PRR16: variants seen among roughly 807,000 people sequenced by gnomAD.
PRR16 encodes proline rich 16, also known as protein Largen.
Under a neutral mutation model 18.2 loss-of-function variants are expected in PRR16, and 6 were observed. The ratio of observed to expected loss-of-function variants is 0.33; its 90% CI spans 0.18 to 0.65. The LOEUF (loss-of-function observed/expected upper bound fraction) is 0.65. PRR16 is among the 30% of genes least tolerant of loss of function. PRR16 has a pLI of 0.74. For missense variants in PRR16, 412 were observed against 376.6 expected (o/e 1.09, Z -0.78); for synonymous variants, 151 against 147.8 (o/e 1.02, Z -0.16).
At chr5:120,530,378 T>C (rs1751513368) in intron 1 of PRR16, among the ~76,000 whole-genome samples, 1 of 150,332 alleles carries the variant, frequency 6.7e-6, no homozygotes, top group South Asian at 2.1e-4. Flanking sequence ...GCTGTCAGTA[T>C]ACATGAATGT....
At chr5:120,694,177 T>C in the PRR16 span, among the ~76,000 whole-genome samples, 1 of 152,216 alleles carries the variant, frequency 6.6e-6, no homozygotes, top group Admixed American at 6.5e-5. Context: ...CTCGTGTTCT[T>C]TGTTAATATG....
chr5:120,577,042 T>C (rs1194324923), intron 1 of PRR16, among the ~76,000 whole-genome samples: 1 of 152,142 alleles, frequency 6.6e-6, no homozygotes, highest in East Asian at 1.9e-4. Flanking sequence ...GATTTCGTTT[T>C]CCAACGCTGA....
intron 1 of PRR16, among the ~76,000 whole-genome samples, chr5:120,469,687 T>C (rs1409304735): frequency 6.6e-6 from 1 of 152,180 alleles, no homozygotes; most frequent in African/African-American, 2.4e-5. Context: ...GTTCTTTTAA[T>C]TGTAGCAATA....
chr5:120,766,861 T>C, the PRR16 span, among the ~76,000 whole-genome samples: 10 of 151,950 alleles, frequency 6.6e-5, no homozygotes, highest in African/African-American at 2.4e-4. Flanking sequence ...TCCTGGTTAA[T>C]TGTCAATTCT....
chr5:120,709,380 C>T, the PRR16 span, among the ~76,000 whole-genome samples: 1 of 151,924 alleles, frequency 6.6e-6, no homozygotes, highest in African/African-American at 2.4e-5. Flanking sequence ...ATTAGTTGTT[C>T]ATATTTATGG....
intron 1 of PRR16, among the ~76,000 whole-genome samples, chr5:120,476,947 G>A (rs967746164): frequency 6.6e-6 from 1 of 152,072 alleles, no homozygotes; most frequent in Non-Finnish European, 1.5e-5. Context: ...GGTTGTCAGT[G>A]ACTCCATGTT....
the PRR16 span, among the ~76,000 whole-genome samples, chr5:120,786,225 G>T: frequency 6.6e-6 from 1 of 151,146 alleles, no homozygotes; most frequent in Admixed American, 6.6e-5. Context: ...TAGAGGGATA[G>T]CAAAACATAT....
At chr5:120,612,158 T>C (rs1480910602) in intron 1 of PRR16, among the ~76,000 whole-genome samples, 1 of 152,228 alleles carries the variant, frequency 6.6e-6, no homozygotes, top group Non-Finnish European at 1.5e-5. Flanking sequence ...ACCCAATACC[T>C]GTACCTCCAC....
At chr5:120,659,973 T>G (rs1756120586) in intron 1 of PRR16, among the ~76,000 whole-genome samples, 1 of 152,060 alleles carries the variant, frequency 6.6e-6, no homozygotes, top group Admixed American at 6.6e-5. Context: ...CCAGTACTTC[T>G]CACTACACAG....
the PRR16 span, among the ~76,000 whole-genome samples, chr5:120,779,026 T>C: frequency 5.9e-5 from 9 of 152,190 alleles, no homozygotes; most frequent in Admixed American, 3.9e-4. Flanking sequence ...GAAGGTACTC[T>C]CATTCCACCA....
At chr5:120,748,340 T>G in the PRR16 span, among the ~76,000 whole-genome samples, 1 of 152,138 alleles carries the variant, frequency 6.6e-6, no homozygotes, top group African/African-American at 2.4e-5. Context: ...TGCTTTACTT[T>G]TGACAAACTA....
intron 1 of PRR16, among the ~76,000 whole-genome samples, chr5:120,674,546 A>G (rs1228687565): frequency 6.6e-6 from 1 of 152,130 alleles, no homozygotes; most frequent in Non-Finnish European, 1.5e-5. Context: ...TCCTGAAGAA[A>G]CTGTATTGAT....
At position 120,575,662 on chromosome 5, in the gene PRR16, C is replaced by T. The variant is rs533199658; in HGVS notation, c.160-110292C>T. On this transcript the variant is annotated intron_variant, in intron 1 of 1. Coordinates refer to ENST00000407149, the MANE Select transcript of PRR16 (RefSeq NM_001300783.2). ...AAGAAACACCTCAACATAATAAAGG[C>T]CATATAGACAAACACAGAGCTACCA... Among the ~76,000 whole-genome samples the T allele has an allele frequency of 2.6e-5, 4 of 152,054 alleles. No homozygotes were observed. The East Asian group carries it at 7.7e-4, about 29-fold the overall frequency.
intron 1 of PRR16, chr5:120,531,547 T>C (rs1751552323): frequency 6.6e-6 from 1 of 152,112 alleles, no homozygotes; most frequent in East Asian, 1.9e-4. Context: ...ATGCATTCTC[T>C]AGCAGGTCAT....
At chr5:120,747,254 G>T in the PRR16 span, among the ~76,000 whole-genome samples, 1 of 152,134 alleles carries the variant, frequency 6.6e-6, no homozygotes, top group Admixed American at 6.5e-5. Context: ...GGAGATTTAC[G>T]TTTAACAGTT....
At chr5:120,791,815 A>G in the PRR16 span, among the ~76,000 whole-genome samples, 1 of 152,174 alleles carries the variant, frequency 6.6e-6, no homozygotes, top group African/African-American at 2.4e-5. Context: ...ATATAAAATC[A>G]AACTCCCAAC....
At chr5:120,540,259 C>A (rs982467556) in intron 1 of PRR16, among the ~76,000 whole-genome samples, 1 of 152,160 alleles carries the variant, frequency 6.6e-6, no homozygotes, top group African/African-American at 2.4e-5. Context: ...ATTGCAGAGG[C>A]CCCTGAGGAA....
intron 1 of PRR16, among the ~76,000 whole-genome samples, chr5:120,489,083 A>G (rs1022452547): frequency 3.9e-5 from 6 of 152,192 alleles, no homozygotes; most frequent in African/African-American, 4.8e-5. Flanking sequence ...TATGTGGTCA[A>G]TTTTGGAATA....
chr5:120,755,936 A>T, the PRR16 span, among the ~76,000 whole-genome samples: 1 of 152,140 alleles, frequency 6.6e-6, no homozygotes, highest in Non-Finnish European at 1.5e-5. Flanking sequence ...CTCTGGTTAC[A>T]GAATTTTCTG....
Sources: gnomAD v4.1 joint callset for allele counts (sites outside exome capture counted in the v4.1 genomes callset) on GRCh38, gnomAD v4.1.1 for gene constraint, MANE v1.5 for transcripts, NCBI Gene and HGNC (gene_info 2026-07-23, HGNC 2026-07-21) for gene names.